Variants in EYS observed in about 807,000 individuals in gnomAD.
EYS encodes the protein EGF-like photoreceptor maintenance factor, also known as protein eyes shut homolog.
Under a neutral mutation model 282.1 loss-of-function variants are expected in EYS, and 250 were observed. The observed-to-expected ratio is 0.89, with a 90% CI of 0.80 to 0.98. The LOEUF is 0.98. EYS is among the 50% of genes least tolerant of loss of function. The probability of loss-of-function intolerance (pLI) is 0.00; values close to 1 mark genes in which losing one functional copy is unlikely to be tolerated. For synonymous variants in EYS, 1,355 were observed against 1,282.9 expected (o/e 1.06, Z -1.20); for missense variants, 4,016 against 3,709.0 (o/e 1.08, Z -2.15).
intron 35 of EYS, among the ~76,000 whole-genome samples, chr6:63,956,418 C>T (rs1236295968): frequency 6.6e-6 from 1 of 152,148 alleles, no homozygotes; most frequent in African/African-American, 2.4e-5. Flanking sequence ...TCTCCCTTCT[C>T]TGACTCTCTT....
At chr6:63,866,507 G>T (rs1342937790) in intron 35 of EYS, among the ~76,000 whole-genome samples, 2 of 152,192 alleles carry the variant, frequency 1.3e-5, no homozygotes, top group Non-Finnish European at 2.9e-5. Flanking sequence ...AAGCTAAACA[G>T]ATTTGGCATG....
chr6:63,925,194 G>GGA (rs940948352), intron 35 of EYS, among the ~76,000 whole-genome samples: 8 of 152,148 alleles, frequency 5.3e-5, no homozygotes, highest in Admixed American at 3.3e-4. Context: ...CCTAGTAAGG[G>GGA]GAGAAGTTGT....
rs889462034 is a variant in EYS, at chr6:64,593,284, C to T, written c.3710G>A (p.Gly1237Asp). 1.3e-6 allele frequency: 2 copies of T among 1,550,186 alleles called. No homozygotes were observed. The highest frequency in any genetic ancestry group is 1.7e-4 in the Middle Eastern group (1 of 5,986). Residue 1237 changes from glycine (G) to aspartate (D), a missense_variant, in exon 25 of 43, where the codon GGT becomes GAT. Physicochemically the swap from Gly to Asp is moderately conservative, Grantham distance 94 (BLOSUM62 -1). Transcript: ENST00000503581. ...FMTCSIGLLC[G>D]DEIRRITCLT... ...ACAGGTAATTCTCCTTATTTCATCA[C>T]CACAAAGAAGCCCAATGGAGCAGGT... is the stretch of plus-strand genomic sequence containing the variant.
intron 2 of EYS, among the ~76,000 whole-genome samples, chr6:65,542,598 C>T (rs1371254519): frequency 6.6e-6 from 1 of 151,792 alleles, no homozygotes; most frequent in African/African-American, 2.4e-5. Flanking sequence ...TGACAGCAAC[C>T]TCGGTCATAT....
chr6:65,404,890 T>A (rs868080143), intron 6 of EYS, among the ~76,000 whole-genome samples: 10 of 151,660 alleles, frequency 6.6e-5, no homozygotes, highest in Non-Finnish European at 7.4e-5. Context: ...AATTGAAAAG[T>A]TAAAGTAAAA....
chr6:64,891,567 T>C (rs1403766962), intron 18 of EYS, among the ~76,000 whole-genome samples: 2 of 152,090 alleles, frequency 1.3e-5, no homozygotes, highest in African/African-American at 2.4e-5. Context: ...CCTCCTGGCC[T>C]CTGGCTATAG....
intron 12 of EYS, among the ~76,000 whole-genome samples, chr6:65,266,989 T>TATATAGAGAGAGAG: frequency 7.0e-6 from 1 of 142,130 alleles, no homozygotes; most frequent in East Asian, 2.0e-4. Flanking sequence ...TATATATATA[T>TATATAGAGAGAGAG]AGAGAGAGAG....
intron 29 of EYS, among the ~76,000 whole-genome samples, chr6:64,319,298 T>A (rs1304045857): frequency 6.6e-6 from 1 of 152,048 alleles, no homozygotes; most frequent in Admixed American, 6.6e-5. Context: ...TTGAAATCTA[T>A]CTTTTTAGCT....
intron 26 of EYS, among the ~76,000 whole-genome samples, chr6:64,449,118 G>A (rs1775223898): frequency 6.6e-6 from 1 of 152,118 alleles, no homozygotes; most frequent in Non-Finnish European, 1.5e-5. Context: ...AAAAAAATTA[G>A]ACGAATGGAT....
At chr6:64,518,768 G>A (rs1777638154) in intron 26 of EYS, among the ~76,000 whole-genome samples, 1 of 143,038 alleles carries the variant, frequency 7.0e-6, no homozygotes, top group South Asian at 2.2e-4. Flanking sequence ...AGCTCTGACG[G>A]GTTTATAAGG....
chr6:65,341,978 T>C, intron 10 of EYS, among the ~76,000 whole-genome samples: 1 of 151,268 alleles, frequency 6.6e-6, no homozygotes, highest in East Asian at 1.9e-4. Flanking sequence ...TTTACATGAT[T>C]TCTCTTCCCA....
intron 12 of EYS, among the ~76,000 whole-genome samples, chr6:65,157,795 TC>T (rs987631745): frequency 1.5e-4 from 23 of 150,652 alleles, no homozygotes; most frequent in African/African-American, 5.6e-4. Context: ...ACAGGTTTTT[TC>T]CCCCCATATT....
chr6:65,510,022 T>C (rs1766804375), intron 2 of EYS, among the ~76,000 whole-genome samples: 1 of 152,116 alleles, frequency 6.6e-6, no homozygotes, highest in Non-Finnish European at 1.5e-5. Flanking sequence ...TTTTTTTCTT[T>C]TTTTAATTAT....
At chr6:65,533,252 G>C (rs534918488) in intron 2 of EYS, among the ~76,000 whole-genome samples, 2 of 152,064 alleles carry the variant, frequency 1.3e-5, no homozygotes, top group Admixed American at 1.3e-4. Context: ...ATAAATTCCT[G>C]GACACATACA....
chr6:64,030,921 C>T (rs905245768), intron 33 of EYS, among the ~76,000 whole-genome samples: 6 of 152,236 alleles, frequency 3.9e-5, no homozygotes, highest in Non-Finnish European at 7.3e-5. Flanking sequence ...CCCTATCCAG[C>T]AGGAAGTAGC....
chr6:64,296,569 T>C (rs1394101715), intron 30 of EYS, among the ~76,000 whole-genome samples: 14 of 6,830 alleles, frequency 2.0e-3, no homozygotes, highest in African/African-American at 9.8e-3. Context: ...TATATATATA[T>C]ATATATATAT....
In EYS at chr6:65,495,881, T is replaced by C; in HGVS notation, c.-220A>G. 5.9e-6 allele frequency: 1 copy of C among 169,394 alleles called. No individual in the cohort carries two copies. The highest frequency in any genetic ancestry group is 1.4e-4 in the South Asian group (1 of 7,134). 10.5% of individuals were successfully genotyped at this position (169,394 alleles called of 1,614,324 possible). A position where few individuals can be genotyped will look rare whatever the true frequency, so the allele number is the denominator to read the frequency against. ...TACTGCGGTCTTTTGTGTTTTCTCT[T>C]TACACCAAGCTTCAATCTAATCAAA... is the stretch of plus-strand genomic sequence containing the variant. On this transcript the variant is annotated 5_prime_UTR_variant, in exon 3 of 43. Transcript: ENST00000503581.
chr6:64,364,450 G>A (rs1299820683), intron 29 of EYS, among the ~76,000 whole-genome samples: 1 of 151,762 alleles, frequency 6.6e-6, no homozygotes, highest in Admixed American at 6.6e-5. Flanking sequence ...ATAAACATTT[G>A]CTTATTTTTG....
chr6:64,745,317 T>A (rs959324795), intron 22 of EYS, among the ~76,000 whole-genome samples: 3 of 152,172 alleles, frequency 2.0e-5, no homozygotes, highest in Non-Finnish European at 4.4e-5. Context: ...AAAATGGCAG[T>A]CATTTATGGG....
Sources: gnomAD v4.1 joint callset for allele counts (sites outside exome capture counted in the v4.1 genomes callset) on GRCh38, gnomAD v4.1.1 for gene constraint, MANE v1.5 for transcripts, NCBI Gene and HGNC (gene_info 2026-07-23, HGNC 2026-07-21) for gene names.